The following TSPOAP1 variants were observed in gnomAD, a reference collection of about 807,000 sequenced individuals.
The protein encoded by TSPOAP1 is TSPO associated protein 1.
A neutral mutation model predicts 197.0 loss-of-function variants in TSPOAP1; 87 were observed. That is an observed-to-expected ratio of 0.44 (90% CI 0.37 to 0.53). The LOEUF is 0.53. TSPOAP1 is among the 20% of genes least tolerant of loss of function. The probability of loss-of-function intolerance (pLI) is 0.00; values close to 1 mark genes in which losing one functional copy is unlikely to be tolerated. For synonymous variants in TSPOAP1, 913 were observed against 998.9 expected (o/e 0.91, Z 1.62); for missense variants, 2,174 against 2,411.3 (o/e 0.90, Z 2.06).
At position 58,308,787 on chromosome 17, in the gene TSPOAP1, C is replaced by T. The variant is rs1970988657; in HGVS notation, c.4485G>A (p.Leu1495=). ...CCGAATCATATTCAATGCTGATTTCCAAGCACTTGGGGGAAAGGCAGCTGG... is the reference window on the plus strand; with the variant it reads ...CCGAATCATATTCAATGCTGATTTCTAAGCACTTGGGGGAAAGGCAGCTGG... ...GLASCLSPKC[L]EISIEYDSED... Residue 1495 remains leucine, a synonymous_variant, in exon 22 of 32, where the codon TTG becomes TTA. Transcript: ENST00000343736. 1 of 1,612,936 alleles carries T rather than the reference C, an allele frequency of 6.2e-7. No individual in the cohort carries two copies. The highest frequency in any genetic ancestry group is 1.1e-5 in the South Asian group (1 of 91,092).
Position 58,322,088 on chromosome 17 carries a change from G to A in TSPOAP1, c.1422+220C>T. Reference sequence around the variant, plus strand: ...CTCCTCACCCCATCCCAGTCACTTTGTCACATCACCCTGTTCTTCTCCACC... The same window carrying A: ...CTCCTCACCCCATCCCAGTCACTTTATCACATCACCCTGTTCTTCTCCACC... On this transcript the variant is annotated intron_variant, in intron 10 of 31. Transcript: ENST00000343736. This position sits in a 1 kb window ranked among gnomAD's most constrained non-coding sequence, Gnocchi z 5.0. The A allele has an allele frequency of 1.8e-6, 1 of 547,096 alleles. No homozygotes were observed. Among genetic ancestry groups the A allele is most frequent in the Non-Finnish European group, 3.2e-6 (1 of 310,352 alleles). The allele number at this position is 547,096 out of a possible 1,614,324, so 33.9% of individuals were successfully genotyped here.
Position 58,306,876 on chromosome 17 carries a change from A to G in TSPOAP1, c.5076T>C (p.Ala1692=). The G allele has an allele frequency of 6.2e-7, 1 of 1,613,506 alleles. No individual in the cohort carries two copies. Among genetic ancestry groups the G allele is most frequent in the Non-Finnish European group, 8.5e-7 (1 of 1,180,002 alleles). Residue 1692 remains alanine (A), a synonymous_variant, in exon 25 of 32, where the codon GCT becomes GCC. Coordinates refer to ENST00000343736, the MANE Select transcript of TSPOAP1 (RefSeq NM_004758.4). The stretch of plus-strand genomic sequence containing the variant: ...GCTGTCTCCCAGCAGGGCTGTCCAC[A>G]GCCACCTCAGCCACCATGTTGCAGG... ...YIPCNMVAEV[A]VDSPAGRQQL...
chr17:58,309,453 G>T lies in TSPOAP1; in HGVS notation c.3892-73C>A, dbSNP rs774531531. 4.0e-6 allele frequency: 6 copies of T among 1,517,998 alleles called. No individual in the cohort carries two copies. The Admixed American group carries it at 7.8e-5, about 20-fold the overall frequency. The allele number at this position is 1,517,998 out of a possible 1,614,324, so 94.0% of individuals were successfully genotyped here. ...TGCGTGGGGAAGAGGAGAGCGAGCT[G>T]CGATCTTTGCCCTCAAACGAAGGCA... On this transcript the variant is annotated intron_variant, in intron 21 of 31. Transcript: ENST00000343736. This position sits in a 1 kb window ranked among gnomAD's most constrained non-coding sequence, Gnocchi z 5.0.
rs1385757276 is a variant in TSPOAP1, at chr17:58,310,082, T to G, written c.3776A>C (p.Asp1259Ala). ...CTCCTCTTCCTCTTCCTCCTGGATG[T>G]CTGACAGGTCTGAGTTGCGGCCGTG... ...VDHGRNSDLS[D>A]IQEEEEEEEE... Residue 1259 changes from aspartate (D) to alanine (A), a missense_variant, in exon 21 of 32, where the codon GAC (aspartate) becomes GCC (alanine). Coordinates refer to ENST00000343736, the MANE Select transcript of TSPOAP1 (RefSeq NM_004758.4). 6.2e-7 allele frequency: 1 copy of G among 1,613,352 alleles called. No individual in the cohort carries two copies. The highest frequency in any genetic ancestry group is 8.5e-7 in the Non-Finnish European group (1 of 1,180,046).
intron 5 of TSPOAP1, 135 bp from the exon 6 acceptor site, chr17:58,323,680 A>T (rs1481696720): frequency 1.2e-6 from 1 of 866,842 alleles, no homozygotes; most frequent in Non-Finnish European, 1.8e-6. Context: ...GCAAGAGCAA[A>T]GAGGGGTACT....
intron 11 of TSPOAP1, among the ~76,000 whole-genome samples, 164 bp from the exon 12 acceptor site, chr17:58,320,293 C>T (rs1209134605): frequency 2.0e-5 from 3 of 152,152 alleles, no homozygotes; most frequent in Non-Finnish European, 4.4e-5. Context: ...GTGAAGGCAG[C>T]CTCTGGGGGT....
chr17:58,316,234 G>T, intron 15 of TSPOAP1, 102 bp from the exon 16 acceptor site: 1 of 1,184,764 alleles, frequency 8.4e-7, no homozygotes, highest in Non-Finnish European at 1.2e-6. Flanking sequence ...CGGAGACTTG[G>T]TTGTGGTTGT....
At position 58,318,321 on chromosome 17, in the gene TSPOAP1, C is replaced by G. The variant is rs1971300904; in HGVS notation, c.1831G>C (p.Glu611Gln). The change falls in exon 14 of 32, where the codon GAG becomes CAG. Residue 611 changes from glutamate (E) to glutamine (Q), a missense_variant. Physicochemically the swap from Glu to Gln is conservative, Grantham distance 29 (BLOSUM62 2). Coordinates refer to ENST00000343736, the MANE Select transcript of TSPOAP1 (RefSeq NM_004758.4). ...GACTTGGGGCTGTTGTGGATGGACT[C>G]GGAGTGGGAGGAGTTGGAGAGAGAC... ...AESLSNSSHS[E>Q]SIHNSPKSCP... The G allele has an allele frequency of 6.2e-7, 1 of 1,614,066 alleles. No individual in the cohort carries two copies.
intron 11 of TSPOAP1, 128 bp downstream of exon 11, chr17:58,320,403 C>A: frequency 8.5e-7 from 1 of 1,170,650 alleles, no homozygotes. Flanking sequence ...TCCCCCAGGT[C>A]CTGGAGCATT....
chr17:58,314,949 C>G (rs1447569254), intron 16 of TSPOAP1, among the ~76,000 whole-genome samples: 1 of 152,248 alleles, frequency 6.6e-6, no homozygotes, highest in Admixed American at 6.5e-5. Context: ...GCATTTACAT[C>G]TATCCCAATT....
chr17:58,305,111 C>G lies in TSPOAP1; in HGVS notation c.5494G>C (p.Glu1832Gln). ...GGTTCCCTGTCCAGGCCGCCTGCCTCAGGCCCAGGGCCCTCCAGGAAGTTG... is the reference window on the plus strand; with the variant it reads ...GGTTCCCTGTCCAGGCCGCCTGCCTGAGGCCCAGGGCCCTCCAGGAAGTTG... ...PSNFLEGPGP[E>Q]AGGLDREPRT... is the part of the protein sequence containing the mutation. Residue 1832 changes from glutamate (E) to glutamine (Q), a missense_variant, in exon 30 of 32, where the codon GAG becomes CAG. Coordinates refer to ENST00000343736, the MANE Select transcript of TSPOAP1 (RefSeq NM_004758.4). 1 of 1,614,060 alleles carries G rather than the reference C, an allele frequency of 6.2e-7. No homozygotes were observed. The highest frequency in any genetic ancestry group is 8.5e-7 in the Non-Finnish European group (1 of 1,179,960).
At position 58,312,402 on chromosome 17, in the gene TSPOAP1, C is replaced by T. The variant is rs756733244; in HGVS notation, c.2419G>A (p.Val807Met). ...GGAGGCGGCTCCCAGGCCAGCACCACGCTGTGGGCCAGCTGCTTGAGGACC... is the reference window on the plus strand; with the variant it reads ...GGAGGCGGCTCCCAGGCCAGCACCATGCTGTGGGCCAGCTGCTTGAGGACC... ...LVVLKQLAHS[V>M]VLAWEPPPEQ... Residue 807 changes from valine to methionine, a missense_variant, in exon 17 of 32, where the codon GTG (valine) becomes ATG (methionine). Val to Met is a conservative substitution (Grantham distance 21). This residue lies in a region of TSPOAP1 where 1,933 missense variants were observed against 2,139.0 expected (regional missense o/e 0.90). Coordinates refer to ENST00000343736, the MANE Select transcript of TSPOAP1 (RefSeq NM_004758.4). The T allele has an allele frequency of 3.1e-5, 50 of 1,612,618 alleles. No individual in the cohort carries two copies. The highest frequency in any genetic ancestry group is 1.2e-4 in the Admixed American group (7 of 59,922).
Position 58,308,919 on chromosome 17 carries a change from G to T in TSPOAP1, c.4353C>A (p.Gly1451=). The part of the protein sequence containing the change: ...GRLGPTRERG[G]LPVIEGPRTG... ...TCCTGGGGCCCTCAATTACGGGGAG[G>T]CCACCCCTCTCCCGTGTGGGGCCCA... The change falls in exon 22 of 32, where the codon GGC becomes GGA. Residue 1451 remains glycine, a synonymous_variant. Coordinates refer to ENST00000343736, the MANE Select transcript of TSPOAP1 (RefSeq NM_004758.4). 1.3e-6 allele frequency: 2 copies of T among 1,597,106 alleles called. No homozygotes were observed. The highest frequency in any genetic ancestry group is 1.1e-5 in the South Asian group (1 of 89,212).
At position 58,305,628 on chromosome 17, in the gene TSPOAP1, A is replaced by C; in HGVS notation, c.5273T>G (p.Val1758Gly). The change falls in exon 28 of 32, where the codon GTC becomes GGC. Residue 1758 changes from valine (V) to glycine (G), a missense_variant. By Grantham distance (109) the Val-to-Gly change is moderately radical. Around this residue, in one of 5 missense-constraint regions of TSPOAP1, gnomAD observed 161 missense variants for 159.1 expected, o/e 1.01. Coordinates refer to ENST00000343736, the MANE Select transcript of TSPOAP1 (RefSeq NM_004758.4). Reference sequence around the variant, plus strand: ...GGGAGCTTTCAGGTCAGCAGAGGGGACCAGCTTAGGGGGGCCTGCAGGGGG... The same window carrying C: ...GGGAGCTTTCAGGTCAGCAGAGGGGCCCAGCTTAGGGGGGCCTGCAGGGGG... ...AQPCPGPPKL[V>G]PSADLKAPHS... The C allele has an allele frequency of 9.0e-6, 14 of 1,547,204 alleles. No individual in the cohort carries two copies. Among genetic ancestry groups the C allele is most frequent in the Non-Finnish European group, 1.2e-5 (14 of 1,146,050 alleles).
At position 58,310,549 on chromosome 17, in the gene TSPOAP1, C is replaced by T. The variant is rs770168731; in HGVS notation, c.3662G>A (p.Gly1221Glu). 12 of 1,613,394 alleles carry T rather than the reference C, an allele frequency of 7.4e-6. No individual in the cohort carries two copies. Among genetic ancestry groups the T allele is most frequent in the Admixed American group, 1.7e-5 (1 of 60,016 alleles). Residue 1221 changes from glycine (G) to glutamate (E), a missense_variant, in exon 20 of 32, where the codon GGA becomes GAA. Coordinates refer to ENST00000343736, the MANE Select transcript of TSPOAP1 (RefSeq NM_004758.4). ...QQAPNTEMCQGGDPGSGLRPR... is the reference protein window; with the variant it reads ...QQAPNTEMCQEGDPGSGLRPR... Reference sequence around the variant, plus strand: ...CCTCAGCCCAGACCCTGGGTCTCCTCCTTGGCACATCTCGGTATTTGGCGC... The same window carrying T: ...CCTCAGCCCAGACCCTGGGTCTCCTTCTTGGCACATCTCGGTATTTGGCGC...
chr17:58,326,125 C>T lies in TSPOAP1; in HGVS notation c.570+168G>A, dbSNP rs548305458. 6.6e-6 allele frequency among the ~76,000 whole-genome samples: 1 copy of T among 152,290 alleles called. No homozygotes were observed. The highest frequency in any genetic ancestry group is 2.1e-4 in the South Asian group (1 of 4,830). On this transcript the variant is annotated intron_variant, in intron 3 of 31. Transcript: ENST00000343736. The surrounding 1 kb of genome is among the most constrained non-coding windows in gnomAD (Gnocchi z 4.7). ...TGCAGCTCCAGAAACCTTTGGCCTC[C>T]TTGCCTGGCCAGCCTCTGCCCTTCC... is the stretch of plus-strand genomic sequence containing the variant.
intron 3 of TSPOAP1, among the ~76,000 whole-genome samples, 191 bp from the exon 4 acceptor site, chr17:58,325,904 T>A (rs1452813245): frequency 6.6e-6 from 1 of 152,170 alleles, no homozygotes; most frequent in Non-Finnish European, 1.5e-5. Context: ...GGATTAACTC[T>A]ACATCTGAGT....
rs1971359814 is a variant in TSPOAP1 at position 58,320,072 on chromosome 17, C to T, written c.1494+37G>A. The stretch of plus-strand genomic sequence containing the variant: ...AGGGAGGAGATGCAACTCAGCCAGC[C>T]TGGAGAGGTGTGGGGAAGTGGAGAA... On this transcript the variant is annotated intron_variant, in intron 12 of 31. Coordinates refer to ENST00000343736, the MANE Select transcript of TSPOAP1 (RefSeq NM_004758.4). 1.9e-6 allele frequency: 3 copies of T among 1,613,944 alleles called. No homozygotes were observed. The African/African-American group carries it at 4.0e-5, about 22-fold the overall frequency.
Position 58,306,936 on chromosome 17 carries a change from G to A in TSPOAP1, c.5016C>T (p.Tyr1672=). 1 of 1,613,054 alleles carries A rather than the reference G, an allele frequency of 6.2e-7. No homozygotes were observed. Among genetic ancestry groups the A allele is most frequent in the Non-Finnish European group, 8.5e-7 (1 of 1,179,970 alleles). The change falls in exon 25 of 32, where the codon TAC becomes TAT. Residue 1672 remains tyrosine (Y), a synonymous_variant. Coordinates refer to ENST00000343736, the MANE Select transcript of TSPOAP1 (RefSeq NM_004758.4). ...VFGDKDADGF[Y]QGEGGGRTGY... ...CTGTCCGGCCCCCACCTTCGCCCTG[G>A]TAGAAGCCATCGGCATCCTTGTCCC...
Sources: gnomAD v4.1 joint callset for allele counts (sites outside exome capture counted in the v4.1 genomes callset) on GRCh38, gnomAD v4.1.1 for gene constraint, gnomAD v4.1.1 regional missense constraint, Gnocchi (gnomAD v3.1) non-coding constraint, MANE v1.5 for transcripts, NCBI Gene and HGNC (gene_info 2026-07-23, HGNC 2026-07-21) for gene names.